Variants in TMEM132D observed in about 807,000 individuals in gnomAD.
TMEM132D encodes mature OL transmembrane protein.
Under a neutral mutation model 62.3 loss-of-function variants are expected in TMEM132D, and 21 were observed. The observed-to-expected ratio is 0.34, with a 90% confidence interval of 0.24 to 0.49. The LOEUF is 0.49. Among genes scored for constraint, TMEM132D ranks in the 20% least tolerant of loss-of-function variants. TMEM132D has a pLI of 0.99. For synonymous variants in TMEM132D, 621 were observed against 575.6 expected (o/e 1.08, Z -1.13); for missense variants, 1,346 against 1,402.8 (o/e 0.96, Z 0.65).
intron 4 of TMEM132D, among the ~76,000 whole-genome samples, chr12:129,222,552 C>G (rs1415965372): frequency 3.3e-5 from 5 of 152,184 alleles, no homozygotes; most frequent in Admixed American, 1.3e-4. Flanking sequence ...TTATCTCTGA[C>G]TGCCTTCTAC....
At chr12:129,247,393 T>C (rs562715269) in intron 4 of TMEM132D, among the ~76,000 whole-genome samples, 1 of 152,250 alleles carries the variant, frequency 6.6e-6, no homozygotes, top group South Asian at 2.1e-4. Context: ...TCTCTGGCTT[T>C]AGGGATTCTC....
At chr12:129,868,462 T>A (rs1874130948) in intron 1 of TMEM132D, among the ~76,000 whole-genome samples, 1 of 152,204 alleles carries the variant, frequency 6.6e-6, no homozygotes, top group African/African-American at 2.4e-5. Flanking sequence ...ATATCTTCCA[T>A]GCACGATGAC....
At chr12:129,236,104 TTGTGTG>T (rs71072452) in intron 4 of TMEM132D, among the ~76,000 whole-genome samples, 74 of 146,896 alleles carry the variant, frequency 5.0e-4, no homozygotes, top group African/African-American at 1.7e-3. Flanking sequence ...TGATGCTATT[TTGTGTG>T]TGTGTGTGTG....
chr12:129,115,033 T>G (rs909184881), intron 5 of TMEM132D, among the ~76,000 whole-genome samples: 1 of 152,204 alleles, frequency 6.6e-6, no homozygotes. Flanking sequence ...CTGTAGAGTA[T>G]ATACCTAGGC....
At chr12:129,645,432 C>T (rs1879749695) in intron 2 of TMEM132D, among the ~76,000 whole-genome samples, 1 of 152,102 alleles carries the variant, frequency 6.6e-6, no homozygotes, top group African/African-American at 2.4e-5. Context: ...ATTTGGAAGG[C>T]CCCCACATAT....
At chr12:129,353,024 C>A (rs896922812) in intron 3 of TMEM132D, among the ~76,000 whole-genome samples, 4 of 152,198 alleles carry the variant, frequency 2.6e-5, no homozygotes, top group East Asian at 3.9e-4. Context: ...ATCCAAGAAC[C>A]CTCTCTTGGG....
At chr12:129,558,383 A>T (rs190145254) in intron 2 of TMEM132D, among the ~76,000 whole-genome samples, 58 of 152,314 alleles carry the variant, frequency 3.8e-4, no homozygotes, top group Non-Finnish European at 6.6e-4. Context: ...AGAAAAACTA[A>T]AGCAGCTTTA....
At chr12:129,499,800 G>A (rs1875073010) in intron 3 of TMEM132D, among the ~76,000 whole-genome samples, 1 of 152,196 alleles carries the variant, frequency 6.6e-6, no homozygotes, top group South Asian at 2.1e-4. Flanking sequence ...GAGTCATGGG[G>A]CGATTAAGGA....
chr12:129,084,706 T>C lies in TMEM132D; in HGVS notation c.1444-4A>G, dbSNP rs201806771. The C allele has an allele frequency of 3.7e-6, 6 of 1,613,354 alleles. No homozygotes were observed. On this transcript the variant is annotated splice_region_variant and splice_polypyrimidine_tract_variant and intron_variant, in intron 5 of 8. Transcript: ENST00000422113. ...CGTAGTCACATCTGTCAGAAACCTGTGAAGAGGTGAGAGAGAAAAGGGGAG... is the reference window on the plus strand; with the variant it reads ...CGTAGTCACATCTGTCAGAAACCTGCGAAGAGGTGAGAGAGAAAAGGGGAG...
At chr12:129,334,710 C>T (rs955393238) in intron 4 of TMEM132D, among the ~76,000 whole-genome samples, 4 of 152,210 alleles carry the variant, frequency 2.6e-5, no homozygotes, top group Non-Finnish European at 4.4e-5. Context: ...CTGCCTCAGC[C>T]TCCTGAGTAG....
intron 1 of TMEM132D, among the ~76,000 whole-genome samples, chr12:129,765,287 T>C (rs10773701): frequency 0.95 from 144,105 of 152,226 alleles, 68,488 homozygotes; most frequent in Non-Finnish European, 1. Context: ...AAATTCTGGG[T>C]CAGGTGCGGT....
chr12:129,201,402 C>T (rs2135561458), intron 5 of TMEM132D, among the ~76,000 whole-genome samples: 1 of 152,260 alleles, frequency 6.6e-6, no homozygotes. Flanking sequence ...ACATGGGTTG[C>T]TTTTGCTGCA....
intron 1 of TMEM132D, among the ~76,000 whole-genome samples, chr12:129,766,163 T>C (rs1870548645): frequency 7.1e-6 from 1 of 141,304 alleles, no homozygotes; most frequent in South Asian, 2.2e-4. Flanking sequence ...CCCTACTGAC[T>C]GCCAGGACCA....
intron 2 of TMEM132D, among the ~76,000 whole-genome samples, chr12:129,613,124 T>A (rs1878819536): frequency 6.6e-6 from 1 of 152,166 alleles, no homozygotes. Flanking sequence ...TACGAGTTGG[T>A]TAGGCACAGG....
intron 2 of TMEM132D, among the ~76,000 whole-genome samples, chr12:129,690,952 C>T (rs946506591): frequency 1.3e-5 from 2 of 152,006 alleles, no homozygotes; most frequent in African/African-American, 4.8e-5. Flanking sequence ...TGCCATGTAG[C>T]CTTATATTTA....
intron 5 of TMEM132D, among the ~76,000 whole-genome samples, chr12:129,178,501 T>C (rs1400773112): frequency 6.6e-6 from 1 of 151,874 alleles, no homozygotes; most frequent in Non-Finnish European, 1.5e-5. Context: ...TATCTCATTG[T>C]GGTTTTGATT....
At chr12:129,651,085 A>C (rs1879915565) in intron 2 of TMEM132D, among the ~76,000 whole-genome samples, 1 of 152,042 alleles carries the variant, frequency 6.6e-6, no homozygotes, top group South Asian at 2.1e-4. Flanking sequence ...TGAAGCTTTG[A>C]CTAGTTGCTG....
chr12:129,474,269 A>G (rs1265516941), intron 3 of TMEM132D, among the ~76,000 whole-genome samples: 1 of 152,162 alleles, frequency 6.6e-6, no homozygotes, highest in Non-Finnish European at 1.5e-5. Flanking sequence ...GCTCCCTCCT[A>G]ACACATTACA....
At chr12:129,350,418 T>A (rs1869826688) in intron 3 of TMEM132D, among the ~76,000 whole-genome samples, 2 of 152,168 alleles carry the variant, frequency 1.3e-5, no homozygotes, top group Admixed American at 6.5e-5. Context: ...GGTCCACTTA[T>A]CTCGAATTCA....
Sources: gnomAD v4.1 joint callset for allele counts (sites outside exome capture counted in the v4.1 genomes callset) on GRCh38, gnomAD v4.1.1 for gene constraint, MANE v1.5 for transcripts, NCBI Gene and HGNC (gene_info 2026-07-23, HGNC 2026-07-21) for gene names.